Variants in ROBO2 observed in about 807,000 individuals in gnomAD.
ROBO2 encodes roundabout guidance receptor 2, also known as roundabout homolog 2.
Under a neutral mutation model 160.8 loss-of-function variants are expected in ROBO2, and 53 were observed. That is an observed-to-expected ratio of 0.33 (90% CI 0.26 to 0.41). The LOEUF is 0.41. Ranked by LOEUF, ROBO2 falls within the 10% of genes least tolerant of loss-of-function variation. The pLI, the probability that ROBO2 is intolerant of heterozygous loss-of-function variation, is 1.00. For missense variants in ROBO2, 1,577 were observed against 1,722.4 expected (o/e 0.92, Z 1.49); for synonymous variants, 664 against 611.7 (o/e 1.09, Z -1.26).
intron 1 of ROBO2, among the ~76,000 whole-genome samples, chr3:77,094,629 G>T (rs1268065722): frequency 6.6e-6 from 1 of 152,114 alleles, no homozygotes; most frequent in Non-Finnish European, 1.5e-5. Context: ...CAAAGTGACT[G>T]TATGATTTAA....
chr3:76,654,024 T>G (rs973332280), intron 2 of ROBO2, among the ~76,000 whole-genome samples: 4 of 152,204 alleles, frequency 2.6e-5, no homozygotes, highest in African/African-American at 9.7e-5. Flanking sequence ...CTGATGGAAG[T>G]GAGGGTCAGA....
At chr3:76,720,156 T>A (rs1287383896) in intron 2 of ROBO2, among the ~76,000 whole-genome samples, 3 of 152,030 alleles carry the variant, frequency 2.0e-5, no homozygotes, top group African/African-American at 7.2e-5. Flanking sequence ...ATCAAAGCAC[T>A]CCCTCACTCC....
At chr3:76,475,792 C>T (rs2078902631) in intron 2 of ROBO2, among the ~76,000 whole-genome samples, 1 of 152,154 alleles carries the variant, frequency 6.6e-6, no homozygotes, top group Non-Finnish European at 1.5e-5. Flanking sequence ...ACCATTAAGT[C>T]GAGTGCTAGA....
At chr3:76,348,591 C>T (rs1371444411) in intron 2 of ROBO2, among the ~76,000 whole-genome samples, 1 of 152,076 alleles carries the variant, frequency 6.6e-6, no homozygotes, top group African/African-American at 2.4e-5. Flanking sequence ...CATCATGGCA[C>T]AACCTGTGGG....
chr3:76,487,947 A>G (rs1463264975), intron 2 of ROBO2, among the ~76,000 whole-genome samples: 1 of 152,166 alleles, frequency 6.6e-6, no homozygotes, highest in Non-Finnish European at 1.5e-5. Context: ...GTAGTTATAC[A>G]ATGTATGGCA....
intron 2 of ROBO2, among the ~76,000 whole-genome samples, chr3:76,783,614 C>T (rs567272651): frequency 6.6e-6 from 1 of 150,422 alleles, no homozygotes; most frequent in East Asian, 2.0e-4. Flanking sequence ...TGAAGATTCC[C>T]TTATACTTGA....
At chr3:76,838,223 T>C (rs1223945601) in intron 2 of ROBO2, among the ~76,000 whole-genome samples, 1 of 151,780 alleles carries the variant, frequency 6.6e-6, no homozygotes, top group East Asian at 1.9e-4. Context: ...GACACTGGGG[T>C]TTACTTGAGA....
chr3:77,237,926 G>T (rs186034742), intron 2 of ROBO2, among the ~76,000 whole-genome samples: 7 of 152,208 alleles, frequency 4.6e-5, no homozygotes, highest in Admixed American at 3.9e-4. Flanking sequence ...TCTGTATTTT[G>T]CCCAGTCTAA....
chr3:76,601,262 C>A (rs142351236), intron 2 of ROBO2, among the ~76,000 whole-genome samples: 4 of 152,132 alleles, frequency 2.6e-5, no homozygotes, highest in African/African-American at 7.2e-5. Context: ...GTGGATCTAC[C>A]GTTCTGGGGT....
chr3:76,567,889 A>G lies in ROBO2; in HGVS notation c.110-530125A>G, dbSNP rs545545177. Reference sequence around the variant, plus strand: ...GAGTGCAATGGGAGGATCATGGCTCACTTCAGCCTCAATCTCCCGGGCTCA... The same window carrying G: ...GAGTGCAATGGGAGGATCATGGCTCGCTTCAGCCTCAATCTCCCGGGCTCA... On this transcript the variant is annotated intron_variant, in intron 2 of 26. Coordinates refer to the ROBO2 transcript ENST00000487694. Among the ~76,000 whole-genome samples, 36 of 141,098 alleles carry G rather than the reference A, an allele frequency of 2.6e-4. No individual in the cohort carries two copies. The South Asian group carries it at 7.9e-3, about 31-fold the overall frequency. The allele number at this position is 141,098 out of a possible 152,430, so 92.6% of individuals were successfully genotyped here.
intron 2 of ROBO2, among the ~76,000 whole-genome samples, chr3:75,967,020 T>A (rs938074179): frequency 3.3e-5 from 5 of 151,676 alleles, no homozygotes; most frequent in Non-Finnish European, 5.9e-5. Flanking sequence ...GCATGTGTAT[T>A]TATTAATATG....
intron 2 of ROBO2, among the ~76,000 whole-genome samples, chr3:76,973,416 A>C (rs2059664789): frequency 6.6e-6 from 1 of 152,140 alleles, no homozygotes. Context: ...GATAAAGGAA[A>C]TCATTATAAA....
At position 77,307,789 on chromosome 3, in the gene ROBO2, G is replaced by A. The variant is rs573086913; in HGVS notation, c.389-169625G>A. On this transcript the variant is annotated intron_variant, in intron 2 of 25. Transcript: ENST00000461745. Reference sequence around the variant, plus strand: ...TCCCAGCTACTCGGGAGGCTAAGGCGGGAGAATCACTTGAACCCCTGAGGT... The same window carrying A: ...TCCCAGCTACTCGGGAGGCTAAGGCAGGAGAATCACTTGAACCCCTGAGGT... Among the ~76,000 whole-genome samples, 49 of 152,134 alleles carry A rather than the reference G, an allele frequency of 3.2e-4. 1 individual carries two copies. The highest frequency in any genetic ancestry group is 6.5e-4 in the Admixed American group (10 of 15,278).
chr3:77,589,798 AATG>A (rs1356047306), intron 17 of ROBO2, among the ~76,000 whole-genome samples: 2 of 152,250 alleles, frequency 1.3e-5, no homozygotes, highest in East Asian at 3.9e-4. Flanking sequence ...CTCCAACAAC[AATG>A]ATAAGAAATA....
chr3:77,324,545 C>T (rs959046879), intron 2 of ROBO2, among the ~76,000 whole-genome samples: 1 of 151,942 alleles, frequency 6.6e-6, no homozygotes, highest in Non-Finnish European at 1.5e-5. Context: ...TTTGGGAGGC[C>T]GAGGCGGGCG....
intron 2 of ROBO2, among the ~76,000 whole-genome samples, chr3:77,324,776 C>A (rs2065204843): frequency 7.6e-6 from 1 of 130,948 alleles, no homozygotes. Flanking sequence ...AGAGAGACTC[C>A]GTCTCAAAAA....
At chr3:76,434,162 G>A in intron 2 of ROBO2, 6 of 1,165,142 alleles carry the variant, frequency 5.1e-6, no homozygotes, top group Non-Finnish European at 7.8e-6. Context: ...CTGGTCCTGT[G>A]GCAGAGTATT....
rs1553723048 is a variant in ROBO2 at position 77,000,581 on chromosome 3, CT to C, written c.110-97426del. On this transcript the variant is annotated intron_variant, in intron 2 of 26. Transcript: ENST00000487694. The stretch of plus-strand genomic sequence containing the variant: ...TTATAGGTAGCTGGCATTTTCATGA[CT>C]TTTTTTCTAAGCATGGCTTCTTCAA... 3.3e-5 allele frequency among the ~76,000 whole-genome samples: 5 copies of C among 152,000 alleles called. No individual in the cohort carries two copies. In the East Asian group the frequency reaches 9.7e-4, roughly 30 times the overall value.
rs563637818 is a variant in ROBO2 at position 77,101,402 on chromosome 3, G to A, written c.388+3062G>A. On this transcript the variant is annotated intron_variant, in intron 2 of 25. Coordinates refer to ENST00000461745, the Ensembl canonical transcript of ROBO2. ...ATAACTCTAGGGAACAGAACAGTAT[G>A]GTAAACGTTAGCTGTATTGTTTGAC... 4.6e-5 allele frequency among the ~76,000 whole-genome samples: 7 copies of A among 152,248 alleles called. No individual in the cohort carries two copies. In the South Asian group the frequency reaches 1.5e-3, roughly 32 times the overall value.
Sources: allele counts gnomAD v4.1 joint callset (sites outside exome capture counted in the v4.1 genomes callset), GRCh38; gene constraint gnomAD v4.1.1; transcripts MANE v1.5; gene names NCBI Gene and HGNC (gene_info 2026-07-23, HGNC 2026-07-21).